KCTD10: variants seen among roughly 807,000 people sequenced by gnomAD.
The protein encoded by KCTD10 is potassium channel tetramerization domain containing 10.
In KCTD10, 13 loss-of-function variants were observed where a neutral mutation model predicts 34.6. That is an observed-to-expected ratio of 0.38 (90% CI 0.24 to 0.60). The LOEUF (loss-of-function observed/expected upper bound fraction) is 0.60, where lower values mean the gene tolerates loss of function less well. Among genes scored for constraint, KCTD10 ranks in the 20% least tolerant of loss-of-function variants. The pLI is 0.66. For missense variants in KCTD10, 256 were observed against 420.3 expected, an observed-to-expected ratio of 0.61 and a Z score of 3.42; for synonymous variants, 156 against 168.8, an observed-to-expected ratio of 0.92 and a Z score of 0.59.
chr12:109,467,853 G>A (rs1005127614), intron 2 of KCTD10, among the ~76,000 whole-genome samples: 1 of 152,106 alleles, frequency 6.6e-6, no homozygotes, highest in South Asian at 2.1e-4. Context: ...GCTCTGTCCA[G>A]TCGGGGACAG....
rs1872631005 is a variant in KCTD10, at chr12:109,449,093, CTT to C, written c.*2500_*2501del. On this transcript the variant is annotated 3_prime_UTR_variant, in exon 7 of 7. Transcript: ENST00000228495. ...TAGTTATTACATTGCAATGAAATCT[CTT>C]TACCAAATCTTGGGCCAGTGTTTTA... 1 of 152,218 alleles carries C rather than the reference CTT, an allele frequency of 6.6e-6. No homozygotes were observed. Among genetic ancestry groups the C allele is most frequent in the East Asian group, 1.9e-4 (1 of 5,200 alleles). The allele number at this position is 152,218 out of a possible 1,614,324, so 9.4% of individuals were successfully genotyped here. A position where few individuals can be genotyped will look rare whatever the true frequency, so the allele number is the denominator to read the frequency against.
chr12:109,469,970 T>C (rs1002993467), intron 1 of KCTD10: 1 of 1,237,690 alleles, frequency 8.1e-7, no homozygotes, highest in Non-Finnish European at 1.1e-6. Context: ...GGGTATTGGA[T>C]GACCCCTAGA....
At position 109,451,698 on chromosome 12, in the gene KCTD10, C is replaced by A; in HGVS notation, c.839G>T (p.Gly280Val). The A allele has an allele frequency of 6.2e-7, 1 of 1,613,892 alleles. No individual in the cohort carries two copies. The highest frequency in any genetic ancestry group is 8.5e-7 in the Non-Finnish European group (1 of 1,179,942). ...GTCCTCGTCCAGGTGGTGGGAGCGC[C>A]CCGCCGCCCCGCCTGTGGCCTCCAG... ...ALLEATGGAA[G>V]RSHHLDEDEE... Residue 280 changes from glycine (G) to valine (V), a missense_variant, in exon 7 of 7, where the codon GGG becomes GTG. Gly to Val is a moderately radical substitution (Grantham distance 109). Transcript: ENST00000228495. The surrounding 1 kb of genome is among the most constrained non-coding windows in gnomAD (Gnocchi z 5.0).
rs762135350 is a variant in KCTD10 at position 109,460,693 on chromosome 12, T to C, written c.330A>G (p.Ala110=). 1 of 1,614,074 alleles carries C rather than the reference T, an allele frequency of 6.2e-7. No homozygotes were observed. The highest frequency in any genetic ancestry group is 8.5e-7 in the Non-Finnish European group (1 of 1,180,038). ...ESRREIEELL[A]EAKYYLVQGL... ...CTTGGACTAGGTAGTACTTGGCTTC[T>C]GCTAGCAGCTCCTCGATCTCCCGGC... The change falls in exon 3 of 7, where the codon GCA becomes GCG. Residue 110 remains alanine, a synonymous_variant. Coordinates refer to ENST00000228495, the MANE Select transcript of KCTD10 (RefSeq NM_031954.5). The surrounding 1 kb of genome is among the most constrained non-coding windows in gnomAD (Gnocchi z 4.5).
Position 109,451,598 on chromosome 12 carries a change from C to T in KCTD10, c.939G>A (p.Gln313=), listed in dbSNP as rs375789423. The part of the protein sequence containing the change: ...KRPDDRAHLH[Q] ...GGCGGCTCGGTCTCTTGCCTGCTCA[C>T]TGGTGGAGGTGGGCCCGGTCATCAG... The change falls in exon 7 of 7, where the codon CAG becomes CAA. Residue 313 remains glutamine (Q), a synonymous_variant. Transcript: ENST00000228495. The surrounding 1 kb of genome is among the most constrained non-coding windows in gnomAD (Gnocchi z 5.0). 1 of 1,605,366 alleles carries T rather than the reference C, an allele frequency of 6.2e-7. No homozygotes were observed. The highest frequency in any genetic ancestry group is 8.5e-7 in the Non-Finnish European group (1 of 1,176,624).
rs995652349 is a variant in KCTD10 at position 109,449,905 on chromosome 12, A to G, written c.*1690T>C. On this transcript the variant is annotated 3_prime_UTR_variant, in exon 7 of 7. Transcript: ENST00000228495. ...GCACTTAATAAAATCCAAATGGCCTAATATAAAAGTTTCTCACACGACAGT... is the reference window on the plus strand; with the variant it reads ...GCACTTAATAAAATCCAAATGGCCTGATATAAAAGTTTCTCACACGACAGT... 2.3e-5 allele frequency: 4 copies of G among 174,118 alleles called. No homozygotes were observed. The highest frequency in any genetic ancestry group is 7.3e-5 in the African/African-American group (3 of 41,096). 10.8% of individuals were successfully genotyped at this position (174,118 alleles called of 1,614,324 possible).
intron 2 of KCTD10, chr12:109,465,009 A>G: frequency 3.0e-6 from 1 of 329,142 alleles, no homozygotes; most frequent in Admixed American, 4.2e-5. Flanking sequence ...GGTGGGATCT[A>G]GGGAGTCCAG....
chr12:109,464,879 A>G (rs1265787526), intron 2 of KCTD10: 1 of 455,108 alleles, frequency 2.2e-6, no homozygotes, highest in Non-Finnish European at 4.4e-6. Context: ...TCCAGAAGGG[A>G]CTCCTGCAAT....
chr12:109,462,385 C>T (rs1292228316), intron 2 of KCTD10, among the ~76,000 whole-genome samples: 1 of 152,184 alleles, frequency 6.6e-6, no homozygotes, highest in Admixed American at 6.5e-5. Context: ...AAGAATACCC[C>T]AAGTGGGGGG....
chr12:109,469,534 T>G lies in KCTD10; in HGVS notation c.198A>C (p.Glu66Asp), dbSNP rs747890164. 1 of 1,614,154 alleles carries G rather than the reference T, an allele frequency of 6.2e-7. No individual in the cohort carries two copies. Among genetic ancestry groups the G allele is most frequent in the South Asian group, 1.1e-5 (1 of 91,082 alleles). ...GCTTACCTTCACTGTCGGTGAGCAC[T>G]TCCATGCGCCCGCTGAACATGGCCT... Reference protein sequence around the residue: ...MLKAMFSGRMEVLTDSEGWIL... With the variant: ...MLKAMFSGRMDVLTDSEGWIL... Residue 66 changes from glutamate (E) to aspartate (D), a missense_variant, in exon 2 of 7, where the codon GAA (glutamate) becomes GAC (aspartate). Coordinates refer to ENST00000228495, the MANE Select transcript of KCTD10 (RefSeq NM_031954.5).
intron 4 of KCTD10, 83 bp downstream of exon 4, chr12:109,457,909 T>C (rs1008831975): frequency 6.5e-6 from 8 of 1,234,770 alleles, no homozygotes; most frequent in Non-Finnish European, 9.6e-6. Flanking sequence ...CAATTATACA[T>C]GTTTTTATTT....
intron 1 of KCTD10, among the ~76,000 whole-genome samples, chr12:109,473,877 G>A (rs1874018827): frequency 6.6e-6 from 1 of 151,834 alleles, no homozygotes; most frequent in Non-Finnish European, 1.5e-5. Flanking sequence ...TGCCTCCCAG[G>A]TTCAAGCAAT....
rs749754231 is a variant in KCTD10 at position 109,477,272 on chromosome 12, G to A, written c.-10C>T. On this transcript the variant is annotated 5_prime_UTR_variant, in exon 1 of 7. Transcript: ENST00000228495. ...CCGCCCTCCCTACCATGAAAAGTCGGAGGACGCAGGAGTCTCCAAACCCGG... is the reference window on the plus strand; with the variant it reads ...CCGCCCTCCCTACCATGAAAAGTCGAAGGACGCAGGAGTCTCCAAACCCGG... The A allele has an allele frequency of 3.7e-6, 6 of 1,613,954 alleles. No homozygotes were observed. Among genetic ancestry groups the A allele is most frequent in the South Asian group, 1.1e-5 (1 of 91,038 alleles).
intron 2 of KCTD10, among the ~76,000 whole-genome samples, chr12:109,465,337 C>T (rs1873541323): frequency 6.6e-6 from 1 of 152,206 alleles, no homozygotes; most frequent in Non-Finnish European, 1.5e-5. Flanking sequence ...GCACCATTTA[C>T]ATCACGTTTA....
intron 4 of KCTD10, 91 bp from the exon 5 acceptor site, chr12:109,457,773 T>TATG: frequency 7.4e-7 from 1 of 1,349,156 alleles, no homozygotes; most frequent in Non-Finnish European, 1.1e-6. Flanking sequence ...GGCCCTGCCC[T>TATG]GCATCAGAAG....
At chr12:109,458,429 T>TA (rs748976724) in intron 3 of KCTD10, 551 of 172,802 alleles carry the variant, frequency 3.2e-3, no homozygotes, top group Non-Finnish European at 4.2e-3. Context: ...GCAGAGGAAT[T>TA]AAAAAAAAAA....
At chr12:109,463,516 G>A (rs1209358473) in intron 2 of KCTD10, among the ~76,000 whole-genome samples, 1 of 152,146 alleles carries the variant, frequency 6.6e-6, no homozygotes, top group African/African-American at 2.4e-5. Context: ...GCATGTGGGG[G>A]GTCTCTCTCC....
At chr12:109,467,990 T>A (rs542448514) in intron 2 of KCTD10, among the ~76,000 whole-genome samples, 10 of 152,176 alleles carry the variant, frequency 6.6e-5, no homozygotes, top group African/African-American at 2.4e-4. Flanking sequence ...AGAGAGTGGG[T>A]AGGGTATGAG....
intron 1 of KCTD10, chr12:109,470,900 A>G (rs1472375019): frequency 1.2e-5 from 2 of 169,656 alleles, no homozygotes; most frequent in Admixed American, 6.5e-5. Context: ...TCACAGAATT[A>G]GCCCTGCTTC....
Sources: allele counts gnomAD v4.1 joint callset (sites outside exome capture counted in the v4.1 genomes callset), GRCh38; gene constraint gnomAD v4.1.1; non-coding constraint Gnocchi (gnomAD v3.1); transcripts MANE v1.5; gene names NCBI Gene and HGNC (gene_info 2026-07-23, HGNC 2026-07-21).